NALCN: variants seen among roughly 807,000 people sequenced by gnomAD.
NALCN encodes sodium leak channel NALCN.
A neutral mutation model predicts 225.3 loss-of-function variants in NALCN; 111 were observed. That is an observed-to-expected ratio of 0.49 (90% CI 0.42 to 0.58). The LOEUF is 0.58. Among genes scored for constraint, NALCN ranks in the 20% least tolerant of loss-of-function variants. NALCN has a pLI of 0.00. For missense variants in NALCN, 1,378 were observed against 2,202.4 expected, an observed-to-expected ratio of 0.63 and a Z score of 7.49; for synonymous variants, 764 against 769.0, an observed-to-expected ratio of 0.99 and a Z score of 0.11.
intron 20 of NALCN, among the ~76,000 whole-genome samples, chr13:101,109,552 A>T (rs1251423403): frequency 6.6e-6 from 1 of 152,222 alleles, no homozygotes. Context: ...GGCTTTGCTA[A>T]CTTTCTCTTG....
intron 7 of NALCN, among the ~76,000 whole-genome samples, chr13:101,298,683 C>A (rs1172884306): frequency 6.6e-6 from 1 of 152,204 alleles, no homozygotes; most frequent in African/African-American, 2.4e-5. Flanking sequence ...GCTGAAGCTA[C>A]ACAAAATGTA....
chr13:101,060,279 T>TTTTTTTTTTG (rs1555373040), intron 41 of NALCN, among the ~76,000 whole-genome samples: 2 of 136,444 alleles, frequency 1.5e-5, no homozygotes, highest in African/African-American at 2.8e-5. Context: ...TTTTCTGTTT[T>TTTTTTTTTTG]TTTTTTTTTT....
chr13:101,159,984 TCA>T (rs2038086717), intron 15 of NALCN, among the ~76,000 whole-genome samples: 1 of 141,708 alleles, frequency 7.1e-6, no homozygotes, highest in Non-Finnish European at 1.6e-5. Flanking sequence ...AGACGGAGTC[TCA>T]TTCTGTCGCC....
chr13:101,194,633 G>T (rs192971482), intron 13 of NALCN, among the ~76,000 whole-genome samples: 14 of 152,328 alleles, frequency 9.2e-5, no homozygotes, highest in African/African-American at 3.4e-4. Flanking sequence ...ATTGAGTGGA[G>T]TAAGACATAG....
At chr13:101,221,262 G>A (rs2040926929) in intron 13 of NALCN, among the ~76,000 whole-genome samples, 1 of 151,926 alleles carries the variant, frequency 6.6e-6, no homozygotes. Context: ...GGGATTACAG[G>A]CACACGCCAC....
At chr13:101,144,925 AG>A (rs756840414) in intron 15 of NALCN, 29 bp from the exon 16 acceptor site, 2 of 1,594,290 alleles carry the variant, frequency 1.3e-6, no homozygotes, top group African/African-American at 1.4e-5. Flanking sequence ...GAAGAAAAAA[AG>A]GGGGAACCTA....
chr13:101,399,332 A>G (rs2047401867), intron 1 of NALCN, among the ~76,000 whole-genome samples, 167 bp from the exon 2 acceptor site: 1 of 152,228 alleles, frequency 6.6e-6, no homozygotes, highest in African/African-American at 2.4e-5. Context: ...ATAAATTAAT[A>G]CCAACAGAAG....
intron 14 of NALCN, among the ~76,000 whole-genome samples, chr13:101,183,138 G>A (rs2039307646): frequency 6.6e-6 from 1 of 152,218 alleles, no homozygotes; most frequent in African/African-American, 2.4e-5. Context: ...TTTACAGAAA[G>A]CTGAGGTAAT....
intron 14 of NALCN, chr13:101,181,420 GTT>G (rs2039218829): frequency 2.1e-6 from 1 of 477,330 alleles, no homozygotes; most frequent in African/African-American, 2.0e-5. Context: ...TTGTGTGTGT[GTT>G]TTTGTTTTTA....
Position 101,202,586 on chromosome 13 carries a change from G to A in NALCN, c.1627-10532C>T, listed in dbSNP as rs138105513. On this transcript the variant is annotated intron_variant, in intron 13 of 43. Transcript: ENST00000251127. ...TTGTGAAACCCTCAGGAAAAATATC[G>A]ATTCCTAGGTGAATCTGATACTCCA... Among the ~76,000 whole-genome samples the A allele has an allele frequency of 4.3e-3, 655 of 151,886 alleles. 5 individuals are homozygous for A. The highest frequency in any genetic ancestry group is 0.015 in the African/African-American group (636 of 41,382).
At chr13:101,148,537 G>A (rs1225012422) in intron 15 of NALCN, among the ~76,000 whole-genome samples, 1 of 152,186 alleles carries the variant, frequency 6.6e-6, no homozygotes, top group Non-Finnish European at 1.5e-5. Context: ...AATTTTGGGG[G>A]AATGCCTTAA....
intron 7 of NALCN, among the ~76,000 whole-genome samples, chr13:101,324,289 T>C (rs1051455708): frequency 1.1e-4 from 16 of 152,106 alleles, no homozygotes; most frequent in African/African-American, 3.9e-4. Context: ...AAGCAAAAAA[T>C]ATAATGTCAA....
At chr13:101,402,270 A>G (rs541160187) in intron 1 of NALCN, among the ~76,000 whole-genome samples, 130 of 152,302 alleles carry the variant, frequency 8.5e-4, no homozygotes, top group Non-Finnish European at 1.5e-3. Context: ...GTATTTAAAT[A>G]GTTCAATATC....
At chr13:101,379,573 G>A (rs1163552457) in intron 3 of NALCN, among the ~76,000 whole-genome samples, 1 of 150,826 alleles carries the variant, frequency 6.6e-6, no homozygotes, top group African/African-American at 2.4e-5. Flanking sequence ...AAGGGACATG[G>A]ATGAAGCTGG....
In NALCN at chr13:101,126,618, G is replaced by A. The variant is rs188191357; in HGVS notation, c.2119-1937C>T. Among the ~76,000 whole-genome samples the A allele has an allele frequency of 1.7e-4, 26 of 151,572 alleles. No individual in the cohort carries two copies. In the East Asian group the frequency reaches 3.5e-3, roughly 20 times the overall value. On this transcript the variant is annotated intron_variant, in intron 17 of 43. Coordinates refer to ENST00000251127, the MANE Select transcript of NALCN (RefSeq NM_052867.4). Reference sequence around the variant, plus strand: ...AGCGATTCTCCTGCCTCAGCCACCCGAGTAGCTGGGACTACAGGTGCCCGC... The same window carrying A: ...AGCGATTCTCCTGCCTCAGCCACCCAAGTAGCTGGGACTACAGGTGCCCGC...
chr13:101,332,272 A>G (rs2045204222), intron 7 of NALCN, among the ~76,000 whole-genome samples: 5 of 151,974 alleles, frequency 3.3e-5, no homozygotes, highest in Admixed American at 3.3e-4. Flanking sequence ...AGTTCACAGT[A>G]GATAAAAAAT....
Position 101,243,632 on chromosome 13 carries a change from G to C in NALCN, c.1267-5710C>G, listed in dbSNP as rs1471042921. ...GTAGTAGAGGGCACCATAGTTTACGGAGGCGAAAGACCTGAAAAGCCATAG... is the reference window on the plus strand; with the variant it reads ...GTAGTAGAGGGCACCATAGTTTACGCAGGCGAAAGACCTGAAAAGCCATAG... On this transcript the variant is annotated intron_variant, in intron 11 of 43. Coordinates refer to ENST00000251127, the MANE Select transcript of NALCN (RefSeq NM_052867.4). Among the ~76,000 whole-genome samples, 16 of 105,906 alleles carry C rather than the reference G, an allele frequency of 1.5e-4. 4 individuals are homozygous for C. The highest frequency in any genetic ancestry group is 9.0e-4 in the Admixed American group (10 of 11,120). The allele number at this position is 105,906 out of a possible 152,430, so 69.5% of individuals were successfully genotyped here.
intron 17 of NALCN, among the ~76,000 whole-genome samples, chr13:101,140,510 C>G (rs1359235252): frequency 1.3e-5 from 2 of 152,216 alleles, no homozygotes; most frequent in Non-Finnish European, 2.9e-5. Flanking sequence ...AATCAGCTCT[C>G]TATCCTCTTC....
At chr13:101,254,882 C>G (rs1247206528) in intron 11 of NALCN, among the ~76,000 whole-genome samples, 1 of 40,542 alleles carries the variant, frequency 2.5e-5, no homozygotes. Context: ...CAGAGCGAGA[C>G]TCTGTCTCAA....
Sources: gnomAD v4.1 joint callset for allele counts (sites outside exome capture counted in the v4.1 genomes callset) on GRCh38, gnomAD v4.1.1 for gene constraint, MANE v1.5 for transcripts, NCBI Gene and HGNC (gene_info 2026-07-23, HGNC 2026-07-21) for gene names.